The following LOXL2 variants were observed in gnomAD, a reference collection of about 807,000 sequenced individuals.
LOXL2 encodes lysyl oxidase homolog 2.
LOXL2 carries 70 observed loss-of-function variants against 93.0 expected under a neutral mutation model. The ratio of observed to expected loss-of-function variants is 0.75; its 90% confidence interval spans 0.62 to 0.92. The LOEUF is 0.92. LOXL2 is among the 40% of genes least tolerant of loss of function. The pLI, the probability that LOXL2 is intolerant of heterozygous loss-of-function variation, is 0.00. For missense variants in LOXL2, 973 were observed against 1,054.9 expected (o/e 0.92, Z 1.08); for synonymous variants, 438 against 413.2 (o/e 1.06, Z -0.73).
chr8:23,346,070 A>AAATAAAATAAAAT (rs1803967094), intron 3 of LOXL2, among the ~76,000 whole-genome samples: 1 of 149,190 alleles, frequency 6.7e-6, no homozygotes, highest in African/African-American at 2.5e-5. Context: ...TCCGTCTCAA[A>AAATAAAATAAAAT]AATAAAATAA....
At chr8:23,308,431 G>C (rs1293464522) in intron 10 of LOXL2, among the ~76,000 whole-genome samples, 1 of 152,222 alleles carries the variant, frequency 6.6e-6, no homozygotes, top group Non-Finnish European at 1.5e-5. Context: ...AGGTTGTATA[G>C]ATGGCCCATC....
rs762186443 is a variant in LOXL2 at position 23,328,371 on chromosome 8, C to A, written c.1150+11G>T. 7 of 1,613,478 alleles carry A rather than the reference C, an allele frequency of 4.3e-6. No individual in the cohort carries two copies. The highest frequency in any genetic ancestry group is 5.9e-6 in the Non-Finnish European group (7 of 1,179,902). Reference sequence around the variant, plus strand: ...GGAAGAGAGGCCCCCTCTAGCCTCCCCATTCCTTACCTTGCCCCAGTCGGG... The same window carrying A: ...GGAAGAGAGGCCCCCTCTAGCCTCCACATTCCTTACCTTGCCCCAGTCGGG... On this transcript the variant is annotated intron_variant, in intron 6 of 13. Coordinates refer to ENST00000389131, the MANE Select transcript of LOXL2 (RefSeq NM_002318.3).
intron 1 of LOXL2, among the ~76,000 whole-genome samples, chr8:23,403,747 G>A (rs1019607831): frequency 6.6e-6 from 1 of 152,114 alleles, no homozygotes; most frequent in Non-Finnish European, 1.5e-5. Flanking sequence ...GCCCGTACGA[G>A]GTGGGGTTGG....
chr8:23,402,335 A>G (rs2117245916), intron 1 of LOXL2, among the ~76,000 whole-genome samples: 1 of 152,340 alleles, frequency 6.6e-6, no homozygotes, highest in Middle Eastern at 3.4e-3. Context: ...GCGCGCGTGC[A>G]CACACAGATT....
At chr8:23,350,373 G>A (rs990775467) in intron 3 of LOXL2, among the ~76,000 whole-genome samples, 2 of 152,148 alleles carry the variant, frequency 1.3e-5, no homozygotes, top group Non-Finnish European at 2.9e-5. Context: ...GAGGTCAGGA[G>A]TTTGAGACCA....
At chr8:23,349,487 C>T (rs951762869) in intron 3 of LOXL2, among the ~76,000 whole-genome samples, 5 of 152,130 alleles carry the variant, frequency 3.3e-5, no homozygotes, top group African/African-American at 1.2e-4. Context: ...AGGCATGGTC[C>T]TCGCTGTCAT....
intron 2 of LOXL2, among the ~76,000 whole-genome samples, chr8:23,362,248 A>G (rs117462427): frequency 0.019 from 2,898 of 152,352 alleles, 54 homozygotes; most frequent in Non-Finnish European, 0.03. Context: ...CAAATATTGT[A>G]TGGGGTATCT....
chr8:23,344,677 C>T (rs61452238), intron 3 of LOXL2, among the ~76,000 whole-genome samples: 62,482 of 151,312 alleles, frequency 0.41, 13,986 homozygotes, highest in African/African-American at 0.6. Context: ...GTGCACTCTC[C>T]CTGTATGTGT....
chr8:23,368,045 C>T lies in LOXL2; in HGVS notation c.307G>A (p.Val103Met), dbSNP rs142220945. The change falls in exon 2 of 14, where the codon GTG becomes ATG. Residue 103 changes from valine (V) to methionine (M), a missense_variant. Coordinates refer to ENST00000389131, the MANE Select transcript of LOXL2 (RefSeq NM_002318.3). ...AHVVCRELGY[V>M]EAKSWTASSS... ...CTGGCAGTCCAGGACTTGGCCTCCA[C>T]GTAGCCCAGCTCCCGGCAGACGACG... is the stretch of plus-strand genomic sequence containing the variant. 43 of 1,613,808 alleles carry T rather than the reference C, an allele frequency of 2.7e-5. No homozygotes were observed. Among genetic ancestry groups the T allele is most frequent in the Non-Finnish European group, 3.2e-5 (38 of 1,180,042 alleles).
In LOXL2 at chr8:23,308,280, G is replaced by A. The variant is rs201237080; in HGVS notation, c.1880+1388C>T. On this transcript the variant is annotated intron_variant, in intron 10 of 13. Transcript: ENST00000389131. ...CACTGCAGTGTGCACACGGTCACCT[G>A]AGAATCCTGCCAAATGCAGATGCTG... Among the ~76,000 whole-genome samples the A allele has an allele frequency of 1.1e-4, 16 of 152,348 alleles. No homozygotes were observed. In the East Asian group the frequency reaches 1.9e-3, roughly 18 times the overall value.
intron 10 of LOXL2, among the ~76,000 whole-genome samples, chr8:23,307,297 T>G (rs1803244835): frequency 6.6e-6 from 1 of 152,080 alleles, no homozygotes; most frequent in Non-Finnish European, 1.5e-5. Flanking sequence ...CCTCTTAAGG[T>G]CCCTAGGATC....
In LOXL2 at chr8:23,316,116, C is replaced by T. The variant is rs1803397760; in HGVS notation, c.1636+833G>A. On this transcript the variant is annotated intron_variant, in intron 9 of 13. Coordinates refer to ENST00000389131, the MANE Select transcript of LOXL2 (RefSeq NM_002318.3). ...GAGTCTAAAAGGGGTTGGTGGGAGA[C>T]GCAGCTGCTGTTCAATCCCGCGTTC... Among the ~76,000 whole-genome samples, 4 of 152,328 alleles carry T rather than the reference C, an allele frequency of 2.6e-5. No individual in the cohort carries two copies. The South Asian group carries it at 6.2e-4, about 24-fold the overall frequency.
rs561474584 is a variant in LOXL2 at position 23,360,391 on chromosome 8, C to A, written c.356-126G>T. On this transcript the variant is annotated intron_variant, in intron 2 of 13. Coordinates refer to ENST00000389131, the MANE Select transcript of LOXL2 (RefSeq NM_002318.3). ...ATTTTGGCAGCTGTGTGTGGCCATC[C>A]ATTTTTATTATATTAAGATATTGCA... 4.2e-4 allele frequency: 269 copies of A among 634,416 alleles called. No homozygotes were observed. The African/African-American group carries it at 4.4e-3, about 10-fold the overall frequency. 39.3% of individuals were successfully genotyped at this position (634,416 alleles called of 1,614,324 possible).
At chr8:23,387,559 C>A (rs1804783277) in intron 1 of LOXL2, among the ~76,000 whole-genome samples, 1 of 152,226 alleles carries the variant, frequency 6.6e-6, no homozygotes. Flanking sequence ...TGGTTCAAAT[C>A]TTATTTCTTA....
chr8:23,310,799 C>T (rs1052894364), intron 9 of LOXL2, among the ~76,000 whole-genome samples: 1 of 152,204 alleles, frequency 6.6e-6, no homozygotes, highest in Non-Finnish European at 1.5e-5. Flanking sequence ...TTTTACAATG[C>T]TTGATTTACT....
chr8:23,319,930 C>T lies in LOXL2; in HGVS notation c.1425G>A (p.Val475=), dbSNP rs1190346139. ...GQNWGIVEAM[V]VCRQLGLGFA... ...ATCCCAGGCCCAGCTGGCGGCAGAC[C>T]ACCATGGCCTCCACGATGCCCCAGT... The change falls in exon 8 of 14, where the codon GTG becomes GTA. Residue 475 remains valine, a synonymous_variant. Coordinates refer to ENST00000389131, the MANE Select transcript of LOXL2 (RefSeq NM_002318.3). The T allele has an allele frequency of 1.9e-6, 3 of 1,613,898 alleles. No individual in the cohort carries two copies. Among genetic ancestry groups the T allele is most frequent in the Non-Finnish European group, 2.5e-6 (3 of 1,179,956 alleles).
At chr8:23,312,135 T>G (rs7821844) in intron 9 of LOXL2, among the ~76,000 whole-genome samples, 14,983 of 151,866 alleles carry the variant, frequency 0.099, 1,242 homozygotes, top group African/African-American at 0.23. Flanking sequence ...AATAACAGGA[T>G]CTGAAATTGT....
chr8:23,387,948 TCAAA>T (rs993350154), intron 1 of LOXL2, among the ~76,000 whole-genome samples: 1 of 152,150 alleles, frequency 6.6e-6, no homozygotes, highest in African/African-American at 2.4e-5. Context: ...AGACTCTGTC[TCAAA>T]CAAACAAACA....
chr8:23,348,138 G>C (rs1804023980), intron 3 of LOXL2, among the ~76,000 whole-genome samples: 1 of 151,974 alleles, frequency 6.6e-6, no homozygotes, highest in Non-Finnish European at 1.5e-5. Flanking sequence ...CCATCATTCT[G>C]AGCAAACTAT....
Sources: gnomAD v4.1 joint callset for allele counts (sites outside exome capture counted in the v4.1 genomes callset) on GRCh38, gnomAD v4.1.1 for gene constraint, MANE v1.5 for transcripts, NCBI Gene and HGNC (gene_info 2026-07-23, HGNC 2026-07-21) for gene names.